The following ZNF418 variants were observed in gnomAD, a reference collection of about 807,000 sequenced individuals.
ZNF418 encodes zinc finger protein 418.
A neutral mutation model predicts 32.0 loss-of-function variants in ZNF418; 32 were observed. The observed-to-expected ratio is 1.00, with a 90% CI of 0.75 to 1.34. The LOEUF is 1.34. Among genes scored for constraint, ZNF418 ranks in the 40% most tolerant of loss-of-function variants. The probability of loss-of-function intolerance (pLI) is 0.00; values close to 1 mark genes in which losing one functional copy is unlikely to be tolerated. For synonymous variants in ZNF418, 276 were observed against 270.7 expected, an observed-to-expected ratio of 1.02 and a Z score of -0.19; for missense variants, 804 against 812.5, an observed-to-expected ratio of 0.99 and a Z score of 0.13.
intron 2 of ZNF418, 137 bp from the exon 3 acceptor site, chr19:57,930,691 G>A (rs1277961171): frequency 7.6e-7 from 1 of 1,314,372 alleles, no homozygotes; most frequent in East Asian, 2.3e-5. Context: ...GTCCACTGGT[G>A]CCTTTGTCTC....
Position 57,935,191 on chromosome 19 carries a change from C to T in ZNF418, c.-111G>A. 1 of 1,304,178 alleles carries T rather than the reference C, an allele frequency of 7.7e-7. No homozygotes were observed. The highest frequency in any genetic ancestry group is 9.9e-7 in the Non-Finnish European group (1 of 1,006,886). The allele number at this position is 1,304,178 out of a possible 1,614,324, so 80.8% of individuals were successfully genotyped here. A position where few individuals can be genotyped will look rare whatever the true frequency, so the allele number is the denominator to read the frequency against. On this transcript the variant is annotated 5_prime_UTR_variant, in exon 1 of 6. An upstream start codon of the reference 5' UTR is lost. Coordinates refer to ENST00000396147, the MANE Select transcript of ZNF418 (RefSeq NM_133460.3). ...CCGGGAGCCTCAGCGCGGCCGCCGCCATCCCGAGTACGCGGGGAAAGCACT... is the reference window on the plus strand; with the variant it reads ...CCGGGAGCCTCAGCGCGGCCGCCGCTATCCCGAGTACGCGGGGAAAGCACT...
Position 57,933,708 on chromosome 19 carries a change from G to A in ZNF418, c.6+109C>T, listed in dbSNP as rs1030986801. The A allele has an allele frequency of 2.2e-5, 31 of 1,411,730 alleles. 1 individual carries two copies. In the East Asian group the frequency reaches 3.2e-4, roughly 15 times the overall value. 87.5% of individuals were successfully genotyped at this position (1,411,730 alleles called of 1,614,324 possible). On this transcript the variant is annotated intron_variant, in intron 2 of 5. Transcript: ENST00000396147. ...TGCACTCCAGCCTGGGCGATAGAGC[G>A]AGACTCCCGCTCAAAAAAAAAAGGA...
At chr19:57,925,513 G>T (rs987611062) in intron 4 of ZNF418, 110 bp downstream of exon 4, 1 of 152,124 alleles carries the variant, frequency 6.6e-6, no homozygotes, top group African/African-American at 2.4e-5. Context: ...GAAAAAGGTA[G>T]TCCATCTTTT....
intron 3 of ZNF418, among the ~76,000 whole-genome samples, chr19:57,928,533 G>A (rs749351837): frequency 9.4e-4 from 143 of 152,150 alleles, no homozygotes; most frequent in Admixed American, 2.7e-3. Flanking sequence ...CAAAGTGCTG[G>A]GATTACAGGT....
intron 4 of ZNF418, 85 bp from the exon 5 acceptor site, chr19:57,923,374 A>G (rs2072069434): frequency 6.6e-6 from 1 of 151,868 alleles, no homozygotes; most frequent in South Asian, 2.1e-4. Context: ...CTATTTAGTG[A>G]CACACTTACC....
chr19:57,932,211 G>C (rs2072516165), intron 2 of ZNF418, among the ~76,000 whole-genome samples: 1 of 152,154 alleles, frequency 6.6e-6, no homozygotes, highest in Admixed American at 6.6e-5. Context: ...ACCAGAAACT[G>C]TGCCTGATCC....
chr19:57,934,740 C>T (rs974646653), intron 1 of ZNF418: 4 of 231,158 alleles, frequency 1.7e-5, no homozygotes, highest in Non-Finnish European at 3.3e-5. Context: ...CTAAGGTCCT[C>T]ATCTCCTCTA....
At chr19:57,923,766 C>T (rs868025206) in intron 4 of ZNF418, among the ~76,000 whole-genome samples, 2 of 151,632 alleles carry the variant, frequency 1.3e-5, no homozygotes, top group African/African-American at 2.4e-5. Context: ...TTAGTAGAGA[C>T]GGGGTTTCAC....
rs746319105 is a variant in ZNF418 at position 57,933,796 on chromosome 19, A to G, written c.6+21T>C. The G allele has an allele frequency of 1.4e-5, 22 of 1,613,932 alleles. No individual in the cohort carries two copies. The South Asian group carries it at 2.0e-4, about 14-fold the overall frequency. On this transcript the variant is annotated intron_variant, in intron 2 of 5. Coordinates refer to ENST00000396147, the MANE Select transcript of ZNF418 (RefSeq NM_133460.3). Reference sequence around the variant, plus strand: ...TCCAGCCACAGCTCCTTACTCATTAATATGGTCCAGTAACCCTCACCTGCA... The same window carrying G: ...TCCAGCCACAGCTCCTTACTCATTAGTATGGTCCAGTAACCCTCACCTGCA...
Position 57,926,106 on chromosome 19 carries a change from G to A in ZNF418, c.*44C>T, listed in dbSNP as rs183840394. ...GATCCAGTAAGAACCCTCTGATCAAGAAGATGCACAGAGGTTTAGCTAAAG... is the reference window on the plus strand; with the variant it reads ...GATCCAGTAAGAACCCTCTGATCAAAAAGATGCACAGAGGTTTAGCTAAAG... On this transcript the variant is annotated 3_prime_UTR_variant, in exon 4 of 6. Transcript: ENST00000396147. 124 of 1,502,066 alleles carry A rather than the reference G, an allele frequency of 8.3e-5. No homozygotes were observed. The East Asian group carries it at 2.4e-3, about 29-fold the overall frequency. The allele number at this position is 1,502,066 out of a possible 1,614,324, so 93.0% of individuals were successfully genotyped here. A position where few individuals can be genotyped will look rare whatever the true frequency, so the allele number is the denominator to read the frequency against.
At chr19:57,931,064 C>T (rs1255852100) in intron 2 of ZNF418, among the ~76,000 whole-genome samples, 1 of 152,138 alleles carries the variant, frequency 6.6e-6, no homozygotes, top group Non-Finnish European at 1.5e-5. Context: ...CGTGAGCCAC[C>T]GTGCCCGGCT....
chr19:57,934,289 A>G, intron 1 of ZNF418: 2 of 913,962 alleles, frequency 2.2e-6, no homozygotes, highest in Non-Finnish European at 2.6e-6. Flanking sequence ...GCAATGGCTC[A>G]CCGCAACCTC....
intron 2 of ZNF418, 35 bp from the exon 3 acceptor site, chr19:57,930,589 C>T: frequency 1.2e-6 from 2 of 1,613,108 alleles, no homozygotes; most frequent in South Asian, 2.2e-5. Flanking sequence ...CCACAAACAG[C>T]TCCTATGCTG....
In ZNF418 at chr19:57,930,470, G is replaced by T. The variant is rs754712543; in HGVS notation, c.91C>A (p.His31Asn). The change falls in exon 3 of 6, where the codon CAT becomes AAT. Residue 31 changes from histidine to asparagine, a missense_variant. Transcript: ENST00000396147. The part of the protein sequence containing the change: ...LLSEVQRCLY[H>N]DVMLENWVLI... The stretch of plus-strand genomic sequence containing the variant: ...ACCCAGTTCTCCAGCATCACGTCAT[G>T]GTAAAGGCATCTCTGAACCTCACTA... 1.2e-6 allele frequency: 2 copies of T among 1,614,130 alleles called. No individual in the cohort carries two copies. Among genetic ancestry groups the T allele is most frequent in the Non-Finnish European group, 1.7e-6 (2 of 1,180,024 alleles).
At chr19:57,932,403 G>T in intron 2 of ZNF418, 1 of 1,530,940 alleles carries the variant, frequency 6.5e-7, no homozygotes, top group Non-Finnish European at 8.8e-7. Context: ...AGTATGCTTG[G>T]CAAATTCAAA....
Position 57,935,038 on chromosome 19 carries a change from G to A in ZNF418, c.-81+123C>T, listed in dbSNP as rs1207040161. ...GGTGTCAGAAACAAGGACCTCTCCC[G>A]CGAACGCCTCAGTGTCCCGACGCCG... On this transcript the variant is annotated intron_variant, in intron 1 of 5. Coordinates refer to ENST00000396147, the MANE Select transcript of ZNF418 (RefSeq NM_133460.3). 1.8e-5 allele frequency: 25 copies of A among 1,389,156 alleles called. No individual in the cohort carries two copies. In the Admixed American group the frequency reaches 4.9e-4, roughly 27 times the overall value. 86.1% of individuals were successfully genotyped at this position (1,389,156 alleles called of 1,614,324 possible).
At chr19:57,930,404 T>C in intron 3 of ZNF418, 24 bp downstream of exon 3, 2 of 1,613,712 alleles carry the variant, frequency 1.2e-6, no homozygotes, top group East Asian at 2.2e-5. Context: ...ATTCAGGAAA[T>C]AGGGTAGGGT....
chr19:57,931,278 T>G (rs1218678553), intron 2 of ZNF418, among the ~76,000 whole-genome samples: 2 of 151,642 alleles, frequency 1.3e-5, no homozygotes, highest in Non-Finnish European at 2.9e-5. Flanking sequence ...CTCAGCTCAC[T>G]GCAACCTCCA....
At chr19:57,923,928 T>C (rs147581432) in intron 4 of ZNF418, among the ~76,000 whole-genome samples, 62 of 152,230 alleles carry the variant, frequency 4.1e-4, no homozygotes, top group African/African-American at 1.4e-3. Flanking sequence ...ACAGTTTAAA[T>C]ATGTATAGTT....
Sources: gnomAD v4.1 joint callset for allele counts (sites outside exome capture counted in the v4.1 genomes callset) on GRCh38, gnomAD v4.1.1 for gene constraint, MANE v1.5 for transcripts, NCBI Gene and HGNC (gene_info 2026-07-23, HGNC 2026-07-21) for gene names.